RPTOR: variants seen among roughly 807,000 people sequenced by gnomAD.
RPTOR encodes the protein regulatory associated protein of MTOR complex 1.
In RPTOR, 21 loss-of-function variants were observed where a neutral mutation model predicts 169.9. That is an observed-to-expected ratio of 0.12 (90% confidence interval 0.09 to 0.18). RPTOR has a LOEUF of 0.18. Ranked by LOEUF, RPTOR falls within the 10% of genes least tolerant of loss-of-function variation. RPTOR has a pLI of 1.00. For synonymous variants in RPTOR, 732 were observed against 753.2 expected (o/e 0.97, Z 0.46); for missense variants, 1,133 against 1,855.9 (o/e 0.61, Z 7.16).
At chr17:80,830,257 G>A (rs1249716955) in intron 9 of RPTOR, among the ~76,000 whole-genome samples, 12 of 152,178 alleles carry the variant, frequency 7.9e-5, no homozygotes, top group Non-Finnish European at 1.2e-4. Flanking sequence ...ACCTGACTGA[G>A]GTGGACTTGC....
intron 31 of RPTOR, 183 bp downstream of exon 31, chr17:80,961,663 T>G: frequency 1.5e-6 from 1 of 667,052 alleles, no homozygotes; most frequent in Non-Finnish European, 2.4e-6. Flanking sequence ...GGGCCACAGC[T>G]GCTCCCCTGC....
At chr17:80,620,015 T>A (rs1454458221) in intron 1 of RPTOR, among the ~76,000 whole-genome samples, 1 of 152,182 alleles carries the variant, frequency 6.6e-6, no homozygotes, top group African/African-American at 2.4e-5. Flanking sequence ...GCCTCCAGGA[T>A]GGCTGGGAAG....
At chr17:80,893,445 G>A (rs1477662927) in intron 19 of RPTOR, among the ~76,000 whole-genome samples, 1 of 144,084 alleles carries the variant, frequency 6.9e-6, no homozygotes, top group Non-Finnish European at 1.5e-5. Flanking sequence ...TGTGTGTACT[G>A]GGTGTGTATA....
intron 17 of RPTOR, among the ~76,000 whole-genome samples, chr17:80,887,181 G>A (rs567344220): frequency 7.2e-5 from 11 of 152,080 alleles, no homozygotes; most frequent in South Asian, 2.1e-4. Context: ...CTGCACTGGC[G>A]CGCAGACTCC....
chr17:80,838,679 G>A (rs896188146), intron 10 of RPTOR, among the ~76,000 whole-genome samples: 13 of 152,208 alleles, frequency 8.5e-5, no homozygotes, highest in Non-Finnish European at 1.5e-4. Context: ...AAGAGGGCGC[G>A]GCAGACACGG....
At chr17:80,941,991 T>C (rs910424350) in intron 25 of RPTOR, 1 of 152,264 alleles carries the variant, frequency 6.6e-6, no homozygotes, top group Non-Finnish European at 1.5e-5. Flanking sequence ...TGTGGTTGTT[T>C]GTAGCCCTCT....
At chr17:80,724,614 TC>T (rs1023863554) in intron 4 of RPTOR, among the ~76,000 whole-genome samples, 1 of 152,126 alleles carries the variant, frequency 6.6e-6, no homozygotes, top group African/African-American at 2.4e-5. Flanking sequence ...GGTTCTCCCA[TC>T]CCAACAGTGG....
At position 80,965,377 on chromosome 17, in the gene RPTOR, G is replaced by T. The variant is rs2069413614; in HGVS notation, c.*1047G>T. On this transcript the variant is annotated 3_prime_UTR_variant, in exon 34 of 34. Transcript: ENST00000306801. ...CCGGGTGACACCAGCCCCGTCTCCA[G>T]CCTTGAGCCGCCCATGCTGATGCGA... is the stretch of plus-strand genomic sequence containing the variant. 1 of 233,270 alleles carries T rather than the reference G, an allele frequency of 4.3e-6. No homozygotes were observed. Among genetic ancestry groups the T allele is most frequent in the Admixed American group, 5.6e-5 (1 of 17,788 alleles). 14.5% of individuals were successfully genotyped at this position (233,270 alleles called of 1,614,324 possible). A position where few individuals can be genotyped will look rare whatever the true frequency, so the allele number is the denominator to read the frequency against.
chr17:80,727,518 C>T (rs892728998), intron 4 of RPTOR, among the ~76,000 whole-genome samples: 19 of 152,014 alleles, frequency 1.2e-4, no homozygotes, highest in East Asian at 3.9e-4. Context: ...AGAACGTGGA[C>T]GCTGCACCTC....
intron 21 of RPTOR, among the ~76,000 whole-genome samples, chr17:80,911,063 C>T (rs1419515681): frequency 6.6e-6 from 1 of 152,106 alleles, no homozygotes; most frequent in African/African-American, 2.4e-5. Flanking sequence ...GGTCTCTTGA[C>T]CTCGTGATCC....
At chr17:80,940,803 G>C (rs959751480) in intron 25 of RPTOR, among the ~76,000 whole-genome samples, 1 of 151,886 alleles carries the variant, frequency 6.6e-6, no homozygotes, top group Non-Finnish European at 1.5e-5. Context: ...GCTCCTCAAG[G>C]TTCTGCAGCC....
intron 21 of RPTOR, among the ~76,000 whole-genome samples, chr17:80,917,260 G>T (rs1023832826): frequency 6.6e-6 from 1 of 151,608 alleles, no homozygotes; most frequent in African/African-American, 2.4e-5. Context: ...TTACAGGCAC[G>T]CGCTACCATG....
intron 21 of RPTOR, among the ~76,000 whole-genome samples, chr17:80,916,045 CT>C (rs1308501456): frequency 6.6e-6 from 1 of 152,200 alleles, no homozygotes; most frequent in Non-Finnish European, 1.5e-5. Flanking sequence ...TTAACCTCCA[CT>C]TGTCCGTGTA....
chr17:80,846,023 T>C (rs901128795), intron 10 of RPTOR, among the ~76,000 whole-genome samples: 2 of 152,138 alleles, frequency 1.3e-5, no homozygotes, highest in African/African-American at 4.8e-5. Context: ...TGGGCCCCTT[T>C]CCTTTCTCAC....
At chr17:80,758,707 A>G (rs1333140441) in intron 6 of RPTOR, among the ~76,000 whole-genome samples, 1 of 151,994 alleles carries the variant, frequency 6.6e-6, no homozygotes, top group Admixed American at 6.6e-5. Context: ...GGTTTCCTGC[A>G]TGACTGCTTT....
chr17:80,788,457 T>C (rs183362277), intron 6 of RPTOR, among the ~76,000 whole-genome samples: 1,899 of 151,978 alleles, frequency 0.012, 19 homozygotes, highest in Non-Finnish European at 0.019. Flanking sequence ...CAAAAATAAA[T>C]AAAATAAATA....
At chr17:80,918,013 T>C (rs1057196487) in intron 21 of RPTOR, among the ~76,000 whole-genome samples, 1 of 152,222 alleles carries the variant, frequency 6.6e-6, no homozygotes, top group Non-Finnish European at 1.5e-5. Flanking sequence ...CAAGGATGGA[T>C]GCTCAGAACA....
chr17:80,618,074 G>A (rs12936815), intron 1 of RPTOR, among the ~76,000 whole-genome samples: 51,324 of 151,290 alleles, frequency 0.34, 9,595 homozygotes, highest in Non-Finnish European at 0.44. Context: ...TCCGCCTCCC[G>A]GGTTCAAGCA....
intron 2 of RPTOR, among the ~76,000 whole-genome samples, chr17:80,629,257 C>T (rs1361555968): frequency 1.3e-5 from 2 of 150,716 alleles, no homozygotes; most frequent in African/African-American, 4.9e-5. Flanking sequence ...GGACTCAGCT[C>T]TCTATGTATT....
Sources: gnomAD v4.1 joint callset for allele counts (sites outside exome capture counted in the v4.1 genomes callset) on GRCh38, gnomAD v4.1.1 for gene constraint, MANE v1.5 for transcripts, NCBI Gene and HGNC (gene_info 2026-07-23, HGNC 2026-07-21) for gene names.